The following STK24 variants were observed in gnomAD, a reference collection of about 807,000 sequenced individuals.
STK24 encodes serine/threonine kinase 24.
STK24 carries 21 observed loss-of-function variants against 55.6 expected under a neutral mutation model. That is an observed-to-expected ratio of 0.38 (90% CI 0.27 to 0.54). The LOEUF is 0.54. Ranked by LOEUF, STK24 falls within the 20% of genes least tolerant of loss-of-function variation. The probability of loss-of-function intolerance (pLI) is 0.79; values close to 1 mark genes in which losing one functional copy is unlikely to be tolerated. For missense variants in STK24, 383 were observed against 538.4 expected (o/e 0.71, Z 2.86); for synonymous variants, 200 against 215.2 (o/e 0.93, Z 0.62).
chr13:98,469,935 C>G (rs1442411593), intron 5 of STK24, among the ~76,000 whole-genome samples: 2 of 152,208 alleles, frequency 1.3e-5, no homozygotes, highest in African/African-American at 4.8e-5. Context: ...CTAGGCATCT[C>G]TACTACATTT....
chr13:98,445,731 A>T lies in STK24; in HGVS notation c.*7442T>A, dbSNP rs1892790007. The T allele has an allele frequency of 6.0e-6, 1 of 167,564 alleles. No individual in the cohort carries two copies. The highest frequency in any genetic ancestry group is 1.3e-5 in the Non-Finnish European group (1 of 77,524). The allele number at this position is 167,564 out of a possible 1,614,324, so 10.4% of individuals were successfully genotyped here. ...CCTCAAGGTGGCTCTTCTCCTCAGG[A>T]CACCACTCCCGTTGGATTTAGGGCC... is the stretch of plus-strand genomic sequence containing the variant. On this transcript the variant is annotated 3_prime_UTR_variant, in exon 11 of 11. Coordinates refer to ENST00000539966, the MANE Select transcript of STK24 (RefSeq NM_001032296.4).
At chr13:98,498,465 G>A (rs1403513591) in intron 2 of STK24, among the ~76,000 whole-genome samples, 1 of 152,228 alleles carries the variant, frequency 6.6e-6, no homozygotes, top group Non-Finnish European at 1.5e-5. Context: ...TTGGTTGAAT[G>A]ACAAGTTACA....
At chr13:98,479,507 C>G (rs1594594397) in intron 3 of STK24, among the ~76,000 whole-genome samples, 1 of 152,246 alleles carries the variant, frequency 6.6e-6, no homozygotes, top group East Asian at 1.9e-4. Flanking sequence ...TGAGGGATGC[C>G]CATGCCCAAC....
intron 2 of STK24, among the ~76,000 whole-genome samples, chr13:98,517,161 T>G (rs1896095741): frequency 6.6e-6 from 1 of 152,212 alleles, no homozygotes. Flanking sequence ...ACACTTCCTT[T>G]GCCAAAACCA....
chr13:98,482,781 C>T (rs1296827648), intron 2 of STK24, among the ~76,000 whole-genome samples: 1 of 152,184 alleles, frequency 6.6e-6, no homozygotes, highest in Non-Finnish European at 1.5e-5. Context: ...CCCTGCGCCC[C>T]CCACCCCCTA....
chr13:98,508,257 T>C (rs1895763864), intron 2 of STK24, among the ~76,000 whole-genome samples: 2 of 152,200 alleles, frequency 1.3e-5, no homozygotes, highest in South Asian at 2.1e-4. Flanking sequence ...GGTGAAAAAC[T>C]GATGGATTAA....
intron 1 of STK24, among the ~76,000 whole-genome samples, chr13:98,527,920 TG>T (rs762530042): frequency 3.0e-4 from 45 of 152,174 alleles, no homozygotes; most frequent in Non-Finnish European, 5.3e-4. Context: ...GCTGGCGTCT[TG>T]CAGCCCCGCC....
At chr13:98,543,336 C>G (rs1896939447) in intron 1 of STK24, among the ~76,000 whole-genome samples, 1 of 152,154 alleles carries the variant, frequency 6.6e-6, no homozygotes, top group Non-Finnish European at 1.5e-5. Context: ...ATTCGGCACT[C>G]AGATTTGAGA....
intron 1 of STK24, among the ~76,000 whole-genome samples, chr13:98,551,301 T>C (rs1897155162): frequency 6.9e-6 from 1 of 145,972 alleles, no homozygotes; most frequent in South Asian, 2.2e-4. Context: ...AAAAAAAAAA[T>C]CAAGACTTAT....
chr13:98,465,279 C>T (rs1047559623), intron 6 of STK24, among the ~76,000 whole-genome samples: 1 of 152,268 alleles, frequency 6.6e-6, no homozygotes, highest in Non-Finnish European at 1.5e-5. Context: ...TTCTCCCTCC[C>T]TGTCCATCCA....
intron 1 of STK24, among the ~76,000 whole-genome samples, chr13:98,538,955 G>A (rs530104326): frequency 4.6e-5 from 7 of 152,296 alleles, no homozygotes; most frequent in South Asian, 2.1e-4. Context: ...GAAGGCATTC[G>A]AAGGAGACAC....
intron 1 of STK24, among the ~76,000 whole-genome samples, chr13:98,548,791 G>T (rs1897090244): frequency 6.7e-6 from 1 of 150,246 alleles, no homozygotes; most frequent in Non-Finnish European, 1.5e-5. Context: ...GAACTTGAGA[G>T]GTGGAGGTTG....
At chr13:98,528,412 A>G (rs1896492328) in intron 1 of STK24, among the ~76,000 whole-genome samples, 1 of 152,194 alleles carries the variant, frequency 6.6e-6, no homozygotes, top group South Asian at 2.1e-4. Flanking sequence ...GGGCAAAACC[A>G]GCAACTCCAG....
chr13:98,541,165 A>G (rs1242220523), intron 1 of STK24, among the ~76,000 whole-genome samples: 1 of 152,194 alleles, frequency 6.6e-6, no homozygotes, highest in Non-Finnish European at 1.5e-5. Flanking sequence ...ATACAAGAAT[A>G]TATAGCTTAG....
intron 1 of STK24, chr13:98,575,923 A>G: frequency 3.6e-6 from 2 of 554,202 alleles, no homozygotes; most frequent in Non-Finnish European, 4.6e-6. Context: ...TAACTTATAC[A>G]TGTAAATTTG....
chr13:98,504,214 AC>A (rs1259744888), intron 2 of STK24, among the ~76,000 whole-genome samples: 100 of 152,230 alleles, frequency 6.6e-4, no homozygotes, highest in African/African-American at 2.4e-3. Context: ...CAAAAAAAAA[AC>A]AAACTTTAAA....
At chr13:98,544,862 T>G (rs1246043830) in intron 1 of STK24, among the ~76,000 whole-genome samples, 1 of 151,998 alleles carries the variant, frequency 6.6e-6, no homozygotes, top group Non-Finnish European at 1.5e-5. Context: ...ATAAAAATCA[T>G]TATCAAAATA....
chr13:98,512,281 G>A (rs1895907299), intron 2 of STK24, among the ~76,000 whole-genome samples: 1 of 152,110 alleles, frequency 6.6e-6, no homozygotes, highest in Non-Finnish European at 1.5e-5. Context: ...AAGACACACA[G>A]ATTAAAACAG....
At chr13:98,557,895 T>C (rs1897318164) in intron 1 of STK24, among the ~76,000 whole-genome samples, 2 of 152,254 alleles carry the variant, frequency 1.3e-5, no homozygotes, top group Admixed American at 6.5e-5. Context: ...ACCATGCTTT[T>C]GAACATTCTA....
Sources: allele counts gnomAD v4.1 joint callset (sites outside exome capture counted in the v4.1 genomes callset), GRCh38; gene constraint gnomAD v4.1.1; transcripts MANE v1.5; gene names NCBI Gene and HGNC (gene_info 2026-07-23, HGNC 2026-07-21).